CPNE1: variants seen among roughly 807,000 people sequenced by gnomAD.
CPNE1 encodes the protein copine 1, also known as copine-1.
Under a neutral mutation model 63.2 loss-of-function variants are expected in CPNE1, and 58 were observed. That is an observed-to-expected ratio of 0.92 (90% CI 0.74 to 1.14). CPNE1 has a LOEUF of 1.14. Among genes scored for constraint, CPNE1 ranks in the 50% most tolerant of loss-of-function variants. The pLI, the probability that CPNE1 is intolerant of heterozygous loss-of-function variation, is 0.00. For synonymous variants in CPNE1, 237 were observed against 249.0 expected (o/e 0.95, Z 0.45); for missense variants, 672 against 661.7 (o/e 1.02, Z -0.17).
intron 1 of CPNE1, chr20:35,650,336 G>T (rs1054717189): frequency 1.3e-5 from 2 of 152,212 alleles, no homozygotes; most frequent in African/African-American, 4.8e-5. Flanking sequence ...TAAAGTGTAT[G>T]AAATATTTAA....
chr20:35,644,859 G>A (rs1450091271), intron 1 of CPNE1, among the ~76,000 whole-genome samples: 1 of 152,152 alleles, frequency 6.6e-6, no homozygotes, highest in African/African-American at 2.4e-5. Flanking sequence ...CACATTTACA[G>A]GAGTTGATCA....
At chr20:35,664,241 T>C (rs184061559) in intron 1 of CPNE1, 2 of 152,360 alleles carry the variant, frequency 1.3e-5, no homozygotes, top group East Asian at 3.9e-4. Flanking sequence ...CACAGGAGTG[T>C]ACCGACTACA....
At chr20:35,654,085 G>A (rs779146689) in intron 1 of CPNE1, 4 of 1,614,180 alleles carry the variant, frequency 2.5e-6, no homozygotes, top group East Asian at 2.2e-5. Context: ...CCCACTGGGC[G>A]ATTTTGACCT....
intron 1 of CPNE1, among the ~76,000 whole-genome samples, chr20:35,641,378 A>G (rs745898537): frequency 6.6e-6 from 1 of 152,170 alleles, no homozygotes; most frequent in Non-Finnish European, 1.5e-5. Context: ...AATCTGATGC[A>G]GTGGGCAAGA....
intron 1 of CPNE1, chr20:35,649,578 A>T (rs2033356093): frequency 6.6e-6 from 1 of 152,648 alleles, no homozygotes; most frequent in Non-Finnish European, 1.5e-5. Flanking sequence ...TTCATTTTTT[A>T]AAAAGCCACT....
intron 1 of CPNE1, chr20:35,652,588 G>A: frequency 6.2e-7 from 1 of 1,614,160 alleles, no homozygotes; most frequent in Non-Finnish European, 8.5e-7. Flanking sequence ...AATGACAGCA[G>A]CTGTGGCTTC....
chr20:35,629,412 G>C (rs996669178), intron 13 of CPNE1, among the ~76,000 whole-genome samples: 14 of 152,180 alleles, frequency 9.2e-5, no homozygotes, highest in Admixed American at 9.2e-4. Flanking sequence ...GTGGACTCTG[G>C]CAAAATGCAC....
intron 1 of CPNE1, chr20:35,654,751 G>A (rs756989297): frequency 2.5e-6 from 4 of 1,613,718 alleles, no homozygotes; most frequent in African/African-American, 1.3e-5. Flanking sequence ...TGGAATTGGA[G>A]GAATTGGTGG....
chr20:35,664,414 C>T (rs1010825730), intron 1 of CPNE1: 1 of 152,326 alleles, frequency 6.6e-6, no homozygotes, highest in African/African-American at 2.4e-5. Context: ...GACAAGAAAT[C>T]CTCCGTACTC....
At chr20:35,655,493 C>T in intron 1 of CPNE1, 1 of 712,760 alleles carries the variant, frequency 1.4e-6, no homozygotes, top group East Asian at 2.8e-5. Flanking sequence ...ATTCTAAAAA[C>T]TGAACATTAC....
intron 1 of CPNE1, chr20:35,653,802 C>CT: frequency 6.2e-7 from 1 of 1,613,918 alleles, no homozygotes; most frequent in Non-Finnish European, 8.5e-7. Context: ...GCATACCTTT[C>CT]TTAGTAATTG....
intron 1 of CPNE1, among the ~76,000 whole-genome samples, chr20:35,639,080 G>T (rs1233188923): frequency 2.1e-5 from 3 of 142,890 alleles, no homozygotes; most frequent in African/African-American, 7.8e-5. Context: ...ACATCTGATT[G>T]TAAAATTTTA....
At chr20:35,655,073 C>T (rs1341066412) in intron 1 of CPNE1, 1 of 1,613,988 alleles carries the variant, frequency 6.2e-7, no homozygotes, top group Non-Finnish European at 8.5e-7. Flanking sequence ...CGACTCAGTT[C>T]AATCATATTC....
intron 1 of CPNE1, chr20:35,664,512 G>A (rs1468195779): frequency 1.3e-5 from 2 of 152,308 alleles, no homozygotes; most frequent in African/African-American, 2.4e-5. Flanking sequence ...TCAGACCACG[G>A]GGGAGTCCTC....
At chr20:35,641,705 T>C (rs1304426091) in intron 1 of CPNE1, among the ~76,000 whole-genome samples, 1 of 152,194 alleles carries the variant, frequency 6.6e-6, no homozygotes, top group Non-Finnish European at 1.5e-5. Flanking sequence ...GCACTCAACT[T>C]CTCACTCTGG....
At chr20:35,642,901 G>A (rs1218486456) in intron 1 of CPNE1, among the ~76,000 whole-genome samples, 1 of 152,104 alleles carries the variant, frequency 6.6e-6, no homozygotes, top group Non-Finnish European at 1.5e-5. Flanking sequence ...AAACTAAAAG[G>A]TGGGAAAATA....
chr20:35,632,488 G>C, intron 3 of CPNE1, 29 bp downstream of exon 3: 4 of 1,611,422 alleles, frequency 2.5e-6, no homozygotes, highest in Non-Finnish European at 3.4e-6. Context: ...ACCTGCATCT[G>C]AAGGATCCTA....
intron 6 of CPNE1, 80 bp from the exon 7 acceptor site, chr20:35,631,857 GTCTCTT>G (rs2032168648): frequency 5.8e-6 from 9 of 1,541,144 alleles, no homozygotes; most frequent in Admixed American, 3.4e-5. Context: ...CCCACCTGCA[GTCTCTT>G]TCTGAGTTCC....
chr20:35,657,695 A>G (rs1379847206), intron 1 of CPNE1, among the ~76,000 whole-genome samples: 1 of 152,260 alleles, frequency 6.6e-6, no homozygotes, highest in Non-Finnish European at 1.5e-5. Flanking sequence ...ATATTAAACC[A>G]AAGTGGAATA....
Sources: gnomAD v4.1 joint callset for allele counts (sites outside exome capture counted in the v4.1 genomes callset) on GRCh38, gnomAD v4.1.1 for gene constraint, MANE v1.5 for transcripts, NCBI Gene and HGNC (gene_info 2026-07-23, HGNC 2026-07-21) for gene names.